The following PLEKHH1 variants were observed in gnomAD, a reference collection of about 807,000 sequenced individuals.
The protein encoded by PLEKHH1 is pleckstrin homology domain-containing family H member 1.
In PLEKHH1, 104 loss-of-function variants were observed where a neutral mutation model predicts 160.0. The ratio of observed to expected loss-of-function variants is 0.65; its 90% CI spans 0.55 to 0.76. PLEKHH1 has a LOEUF of 0.76. Among genes scored for constraint, PLEKHH1 ranks in the 30% least tolerant of loss-of-function variants. The pLI, the probability that PLEKHH1 is intolerant of heterozygous loss-of-function variation, is 0.00. For missense variants in PLEKHH1, 1,427 were observed against 1,724.1 expected (o/e 0.83, Z 3.05); for synonymous variants, 619 against 678.4 (o/e 0.91, Z 1.36).
chr14:67,581,570 CTAAGTGT>C (rs2035902570), intron 23 of PLEKHH1: 1 of 167,176 alleles, frequency 6.0e-6, no homozygotes, highest in Admixed American at 5.6e-5. Context: ...CATGGGATGG[CTAAGTGT>C]GTTACTTTAT....
Position 67,573,206 on chromosome 14 carries a change from T to C in PLEKHH1, c.1729-70T>C, listed in dbSNP as rs1486058183. Reference sequence around the variant, plus strand: ...CGAGTAGTGAGGCAGCTGGACCACTTGGACCTGTGTGATGTCTAGGAGCCC... The same window carrying C: ...CGAGTAGTGAGGCAGCTGGACCACTCGGACCTGTGTGATGTCTAGGAGCCC... On this transcript the variant is annotated intron_variant, in intron 11 of 28. Coordinates refer to ENST00000329153, the MANE Select transcript of PLEKHH1 (RefSeq NM_020715.3). This position sits in a 1 kb window ranked among gnomAD's most constrained non-coding sequence, Gnocchi z 4.8. 7 of 936,916 alleles carry C rather than the reference T, an allele frequency of 7.5e-6. 1 individual carries two copies. The highest frequency in any genetic ancestry group is 1.2e-5 in the Non-Finnish European group (7 of 576,602). 58.0% of individuals were successfully genotyped at this position (936,916 alleles called of 1,614,324 possible).
At chr14:67,551,471 T>TA (rs1452636372) in intron 2 of PLEKHH1, among the ~76,000 whole-genome samples, 1 of 152,118 alleles carries the variant, frequency 6.6e-6, no homozygotes, top group Non-Finnish European at 1.5e-5. Context: ...TATATATATA[T>TA]TTTTTACTGA....
At chr14:67,580,193 C>G (rs564051235) in intron 22 of PLEKHH1, 2 of 259,030 alleles carry the variant, frequency 7.7e-6, no homozygotes, top group East Asian at 9.6e-5. Flanking sequence ...ACTGCCTACA[C>G]GTGCCCACTC....
Position 67,575,413 on chromosome 14 carries a change from G to A in PLEKHH1, c.2110G>A (p.Val704Met), listed in dbSNP as rs757399212. The change falls in exon 15 of 29, where the codon GTG (valine) becomes ATG (methionine). Residue 704 changes from valine to methionine, a missense_variant. This residue lies in a region of PLEKHH1 where 831 missense variants were observed against 929.2 expected (regional missense o/e 0.89). Coordinates refer to ENST00000329153, the MANE Select transcript of PLEKHH1 (RefSeq NM_020715.3). ...LTKVKHGHSK[V>M]VWCALVGKIF... ...ACAGGTAAAGCATGGCCACTCCAAG[G>A]TGGTCTGGTGCGCTCTTGTTGGGAA... is the stretch of plus-strand genomic sequence containing the variant. 2 of 1,609,206 alleles carry A rather than the reference G, an allele frequency of 1.2e-6. No homozygotes were observed. Among genetic ancestry groups the A allele is most frequent in the Non-Finnish European group, 1.7e-6 (2 of 1,177,442 alleles).
Position 67,542,747 on chromosome 14 carries a change from C to A in PLEKHH1, c.126+754C>A, listed in dbSNP as rs151315493. ...TGGAGTTTCGCTCTTGTTGCCCAGG[C>A]TGGAGTGCAATGGCGCCATCGCAGC... On this transcript the variant is annotated intron_variant, in intron 2 of 28. Transcript: ENST00000329153. 8.1e-3 allele frequency among the ~76,000 whole-genome samples: 1,231 copies of A among 152,200 alleles called. 19 individuals are homozygous for A. The highest frequency in any genetic ancestry group is 0.028 in the African/African-American group (1,179 of 41,524).
chr14:67,550,400 G>C (rs1443560536), intron 2 of PLEKHH1, among the ~76,000 whole-genome samples: 1 of 152,178 alleles, frequency 6.6e-6, no homozygotes, highest in East Asian at 1.9e-4. Context: ...TGTTGTCCAG[G>C]CTGGTCTCCA....
chr14:67,552,456 A>G (rs942455899), intron 2 of PLEKHH1, among the ~76,000 whole-genome samples: 2 of 152,234 alleles, frequency 1.3e-5, no homozygotes, highest in East Asian at 1.9e-4. Context: ...TTGAGTGTCA[A>G]GTGTCCTTGC....
rs2034642445 is a variant in PLEKHH1 at position 67,557,474 on chromosome 14, C to T, written c.339+56C>T. The stretch of plus-strand genomic sequence containing the variant: ...CCCTCTTCGACATCTGTACTGCTGG[C>T]CCCCAGCTTCCTGAGCTGTTCCGCT... On this transcript the variant is annotated intron_variant, in intron 4 of 28. Transcript: ENST00000329153. 25 of 1,535,594 alleles carry T rather than the reference C, an allele frequency of 1.6e-5. No individual in the cohort carries two copies. The South Asian group carries it at 2.8e-4, about 17-fold the overall frequency.
intron 7 of PLEKHH1, among the ~76,000 whole-genome samples, chr14:67,566,281 G>A (rs752210604): frequency 9.4e-5 from 3 of 31,816 alleles, no homozygotes; most frequent in African/African-American, 4.3e-4. Context: ...ACTAGGGGAT[G>A]GAAAAGCACT....
chr14:67,578,404 C>T lies in PLEKHH1; in HGVS notation c.2752-130C>T. ...GACACAGCCTGACCAAGTTGGCCAT[C>T]CCAGCACCCAGAGCAAGTTGGGGGC... On this transcript the variant is annotated intron_variant, in intron 19 of 28. Transcript: ENST00000329153. The surrounding 1 kb of genome is among the most constrained non-coding windows in gnomAD (Gnocchi z 5.0). 1.2e-6 allele frequency: 1 copy of T among 805,138 alleles called. No homozygotes were observed. The highest frequency in any genetic ancestry group is 2.1e-6 in the Non-Finnish European group (1 of 487,446). The allele number at this position is 805,138 out of a possible 1,614,324, so 49.9% of individuals were successfully genotyped here.
Position 67,579,771 on chromosome 14 carries a change from G to C in PLEKHH1, c.3078G>C (p.Leu1026=). 1 of 1,612,850 alleles carries C rather than the reference G, an allele frequency of 6.2e-7. No individual in the cohort carries two copies. Among genetic ancestry groups the C allele is most frequent in the Non-Finnish European group, 8.5e-7 (1 of 1,179,484 alleles). ...CGGTTGATGAGTTCCTCCAGCGGCT[G>C]AACCAGGAGATAGGCATGAGAAAGC... ...SSTVDEFLQR[L]NQEIGMRKPS... is the part of the protein sequence containing the mutation. The change falls in exon 22 of 29, where the codon CTG becomes CTC. Residue 1026 remains leucine (L), a synonymous_variant. Transcript: ENST00000329153.
Position 67,562,110 on chromosome 14 carries a change from A to G in PLEKHH1, c.506-27A>G, listed in dbSNP as rs752457076. 3 of 1,611,418 alleles carry G rather than the reference A, an allele frequency of 1.9e-6. No homozygotes were observed. In the African/African-American group the frequency reaches 4.0e-5, roughly 22 times the overall value. On this transcript the variant is annotated intron_variant, in intron 6 of 28. Transcript: ENST00000329153. The stretch of plus-strand genomic sequence containing the variant: ...TGGGGCTGAGCTACGGGAGCTCTCA[A>G]TGTGACTGTTTTTACCCGAATCACA...
intron 2 of PLEKHH1, 38 bp from the exon 3 acceptor site, chr14:67,555,787 A>C (rs776581937): frequency 6.2e-7 from 1 of 1,610,280 alleles, no homozygotes; most frequent in Non-Finnish European, 8.5e-7. Flanking sequence ...CAGTAGGGAC[A>C]TGGCACCTAC....
chr14:67,586,599 A>G (rs1010091400), intron 28 of PLEKHH1: 3 of 451,640 alleles, frequency 6.6e-6, no homozygotes, highest in South Asian at 5.4e-5. Flanking sequence ...TACTCAATAC[A>G]GGAAGTGTTG....
intron 5 of PLEKHH1, among the ~76,000 whole-genome samples, chr14:67,560,003 C>T (rs1036149373): frequency 3.9e-5 from 6 of 152,126 alleles, no homozygotes; most frequent in African/African-American, 1.2e-4. Context: ...TGTCCACTCT[C>T]TCCACTTTCT....
At chr14:67,549,388 A>T (rs1412081681) in intron 2 of PLEKHH1, among the ~76,000 whole-genome samples, 3 of 151,768 alleles carry the variant, frequency 2.0e-5, no homozygotes, top group Non-Finnish European at 4.4e-5. Context: ...CTCCTGCCTC[A>T]GCCTCCCGAG....
At chr14:67,570,309 G>A (rs144631480) in intron 9 of PLEKHH1, 11,036 of 979,062 alleles carry the variant, frequency 0.011, 88 homozygotes, top group Non-Finnish European at 0.012. Flanking sequence ...GGTCCCAGAG[G>A]GCAGTGGGGC....
In PLEKHH1 at chr14:67,576,355, C is replaced by A; in HGVS notation, c.2353-40C>A. The A allele has an allele frequency of 8.5e-7, 1 of 1,177,922 alleles. No homozygotes were observed. Among genetic ancestry groups the A allele is most frequent in the Non-Finnish European group, 1.3e-6 (1 of 795,500 alleles). The allele number at this position is 1,177,922 out of a possible 1,614,324, so 73.0% of individuals were successfully genotyped here. ...CTTGGAGCTCTTGCCTCCACTCTTC[C>A]CACCCCGTCCCCATCCGATGGCTTT... On this transcript the variant is annotated intron_variant, in intron 16 of 28. Transcript: ENST00000329153. The surrounding 1 kb of genome is among the most constrained non-coding windows in gnomAD (Gnocchi z 4.0).
At chr14:67,585,768 C>T (rs1316315897) in intron 27 of PLEKHH1, 114 bp downstream of exon 27, 6 of 996,076 alleles carry the variant, frequency 6.0e-6, no homozygotes, top group Non-Finnish European at 9.1e-6. Context: ...CCTACCCCCA[C>T]TCCTGCCCAA....
Sources: gnomAD v4.1 joint callset for allele counts (sites outside exome capture counted in the v4.1 genomes callset) on GRCh38, gnomAD v4.1.1 for gene constraint, gnomAD v4.1.1 regional missense constraint, Gnocchi (gnomAD v3.1) non-coding constraint, MANE v1.5 for transcripts, NCBI Gene and HGNC (gene_info 2026-07-23, HGNC 2026-07-21) for gene names.